KCTD15: variants seen among roughly 807,000 people sequenced by gnomAD.
KCTD15 encodes potassium channel tetramerization domain containing 15.
KCTD15 carries 11 observed loss-of-function variants against 27.2 expected under a neutral mutation model. That is an observed-to-expected ratio of 0.41 (90% CI 0.25 to 0.67). The LOEUF (loss-of-function observed/expected upper bound fraction) is 0.67, where lower values mean the gene tolerates loss of function less well. Ranked by LOEUF, KCTD15 falls within the 30% of genes least tolerant of loss-of-function variation. The probability of loss-of-function intolerance (pLI) is 0.35; values close to 1 mark genes in which losing one functional copy is unlikely to be tolerated. For synonymous variants in KCTD15, 163 were observed against 176.0 expected (o/e 0.93, Z 0.58); for missense variants, 350 against 409.3 (o/e 0.86, Z 1.25).
chr19:33,795,140 T>G (rs555418482), upstream of KCTD15, among the ~76,000 whole-genome samples: 3 of 152,332 alleles, frequency 2.0e-5, no homozygotes, highest in South Asian at 6.2e-4. Flanking sequence ...AATCTATAAA[T>G]TTACAACATC....
chr19:33,808,289 G>T (rs576937803), intron 5 of KCTD15, among the ~76,000 whole-genome samples: 1 of 152,312 alleles, frequency 6.6e-6, no homozygotes, highest in East Asian at 1.9e-4. Context: ...CTGAATTCAG[G>T]CTGAAAACAG....
intron 6 of KCTD15, chr19:33,812,316 T>C (rs1975950828): frequency 3.0e-6 from 3 of 1,016,556 alleles, no homozygotes; most frequent in Middle Eastern, 4.8e-4. Flanking sequence ...CACGAGCTGA[T>C]GCACCCCCAG....
At chr19:33,809,411 G>A (rs778761481) in intron 5 of KCTD15, among the ~76,000 whole-genome samples, 2 of 152,316 alleles carry the variant, frequency 1.3e-5, no homozygotes, top group South Asian at 2.1e-4. Flanking sequence ...CAGGTGCCCC[G>A]GGACTTGTGG....
chr19:33,798,055 C>T (rs1330661521), intron 1 of KCTD15, among the ~76,000 whole-genome samples: 2 of 152,058 alleles, frequency 1.3e-5, no homozygotes, highest in African/African-American at 4.8e-5. Flanking sequence ...CCCCTAAGTT[C>T]ACACCGGCCG....
intron 1 of KCTD15, among the ~76,000 whole-genome samples, chr19:33,797,658 A>G (rs1467645991): frequency 1.3e-5 from 2 of 151,754 alleles, no homozygotes; most frequent in African/African-American, 4.8e-5. Flanking sequence ...CACACTCGCA[A>G]ACACACCCGG....
rs528508262 is a variant in KCTD15, at chr19:33,804,586, G to A, written c.243-2277G>A. Among the ~76,000 whole-genome samples the A allele has an allele frequency of 1.1e-4, 16 of 152,324 alleles. 2 individuals are homozygous for A. Among genetic ancestry groups the A allele is most frequent in the African/African-American group, 3.8e-4 (16 of 41,576 alleles). ...CCACCGGTGCCACACATGGACCTCA[G>A]CCACCTGCCAACCACTGCCCATGGT... On this transcript the variant is annotated intron_variant, in intron 4 of 6. Coordinates refer to ENST00000683859, the MANE Select transcript of KCTD15 (RefSeq NM_001129994.2).
intron 1 of KCTD15, chr19:33,798,207 G>A (rs1407927931): frequency 2.0e-5 from 3 of 152,244 alleles, no homozygotes; most frequent in Non-Finnish European, 4.4e-5. Flanking sequence ...CCTGAGTGCG[G>A]AGCCGAGGGG....
rs1568376292 is a variant in KCTD15 at position 33,800,425 on chromosome 19, C to T, written c.-27-3C>T. On this transcript the variant is annotated splice_region_variant and splice_polypyrimidine_tract_variant and intron_variant, in intron 2 of 6. Transcript: ENST00000683859. ...TCTCTGGTTTTGTCGATGCCTCCCGCAGATACTCTGGGCAGGGATGGAAGC... is the reference window on the plus strand; with the variant it reads ...TCTCTGGTTTTGTCGATGCCTCCCGTAGATACTCTGGGCAGGGATGGAAGC... 5 of 1,590,790 alleles carry T rather than the reference C, an allele frequency of 3.1e-6. No individual in the cohort carries two copies. Among genetic ancestry groups the T allele is most frequent in the Non-Finnish European group, 3.4e-6 (4 of 1,169,316 alleles).
chr19:33,806,934 G>A lies in KCTD15; in HGVS notation c.314G>A (p.Arg105Gln), dbSNP rs1054184092. Residue 105 changes from arginine to glutamine, a missense_variant, in exon 5 of 7, where the codon CGG becomes CAG. Physicochemically the swap from Arg to Gln is conservative, Grantham distance 43 (BLOSUM62 1). This residue lies in a region of KCTD15 where 54 missense variants were observed against 101.8 expected (regional missense o/e 0.53). Coordinates refer to ENST00000683859, the MANE Select transcript of KCTD15 (RefSeq NM_001129994.2). Reference protein sequence around the residue: ...DSLKQHYFIDRDGEIFRYVLS... With the variant: ...DSLKQHYFIDQDGEIFRYVLS... Reference sequence around the variant, plus strand: ...TTGAAGCAACATTATTTCATTGACCGGGATGGGGAGATTTTCCGCTACGTC... The same window carrying A: ...TTGAAGCAACATTATTTCATTGACCAGGATGGGGAGATTTTCCGCTACGTC... 1.2e-6 allele frequency: 2 copies of A among 1,614,146 alleles called. No homozygotes were observed. The highest frequency in any genetic ancestry group is 1.7e-6 in the Non-Finnish European group (2 of 1,180,028).
intron 5 of KCTD15, among the ~76,000 whole-genome samples, chr19:33,807,921 G>A (rs1036489690): frequency 2.6e-5 from 4 of 151,258 alleles, no homozygotes; most frequent in African/African-American, 9.8e-5. Flanking sequence ...ACTCCAGCCT[G>A]GATGACGGAG....
chr19:33,797,277 TGTGTGTGCGCGCGC>T lies in KCTD15; in HGVS notation c.-127+292_-127+305del, dbSNP rs1396856797. 15 of 232,800 alleles carry T rather than the reference TGTGTGTGCGCGCGC, an allele frequency of 6.4e-5. 2 individuals are homozygous for T. The highest frequency in any genetic ancestry group is 9.7e-5 in the East Asian group (1 of 10,276). The allele number at this position is 232,800 out of a possible 1,614,324, so 14.4% of individuals were successfully genotyped here. A position where few individuals can be genotyped will look rare whatever the true frequency, so the allele number is the denominator to read the frequency against. ...GTGTGTGTGTGTGTGTGTGTGTGTGTGTGTGTGCGCGCGCGCGCGCGCGCGCTTGTGGAGGTCCC... is the reference window on the plus strand; with the variant it reads ...GTGTGTGTGTGTGTGTGTGTGTGTGTGCGCGCGCGCGCTTGTGGAGGTCCC... On this transcript the variant is annotated intron_variant, in intron 1 of 6. Coordinates refer to ENST00000683859, the MANE Select transcript of KCTD15 (RefSeq NM_001129994.2).
In KCTD15 at chr19:33,812,913, A is replaced by G; in HGVS notation, c.817A>G (p.Thr273Ala). Residue 273 changes from threonine to alanine, a missense_variant, in exon 7 of 7, where the codon ACT (threonine) becomes GCT (alanine). This residue lies in a region of KCTD15 where 219 missense variants were observed against 234.9 expected (regional missense o/e 0.93). Coordinates refer to ENST00000683859, the MANE Select transcript of KCTD15 (RefSeq NM_001129994.2). ...GGAGCGGCGGCCGCAGCCCACCCCC[A>G]CTGCTGTTCGAATCAAGCAGGAACC... ...REERRPQPTPTAVRIKQEPLD is the reference protein window; with the variant it reads ...REERRPQPTPAAVRIKQEPLD 1.9e-6 allele frequency: 3 copies of G among 1,549,424 alleles called. No individual in the cohort carries two copies. Among genetic ancestry groups the G allele is most frequent in the African/African-American group, 1.4e-5 (1 of 73,084 alleles).
chr19:33,799,155 A>G (rs1187405388), intron 2 of KCTD15, among the ~76,000 whole-genome samples: 1 of 152,042 alleles, frequency 6.6e-6, no homozygotes, highest in African/African-American at 2.4e-5. Context: ...GTATATATTA[A>G]ACATCACTGT....
intron 3 of KCTD15, 38 bp from the exon 4 acceptor site, chr19:33,801,129 T>C: frequency 6.5e-7 from 1 of 1,548,740 alleles, no homozygotes; most frequent in South Asian, 1.2e-5. Context: ...TGTGTTCCGC[T>C]TTGAAACTCT....
At chr19:33,802,287 T>C (rs993209176) in intron 4 of KCTD15, among the ~76,000 whole-genome samples, 2 of 152,202 alleles carry the variant, frequency 1.3e-5, no homozygotes, top group Non-Finnish European at 2.9e-5. Context: ...GCATCACCCC[T>C]GTGTTATGCA....
intron 6 of KCTD15, chr19:33,812,363 T>C (rs901004134): frequency 3.9e-5 from 40 of 1,023,478 alleles, no homozygotes; most frequent in Non-Finnish European, 4.3e-5. Context: ...TCAGGGAAGC[T>C]GGTGGATGCC....
chr19:33,800,911 AT>A lies in KCTD15; in HGVS notation c.67-248del, dbSNP rs1165032621. ...CCCCTGGAGGCTGACACCTTGAAAA[AT>A]TTTTTTTCTTGATTTCTTATTGCTA... On this transcript the variant is annotated intron_variant, in intron 3 of 6. Coordinates refer to ENST00000683859, the MANE Select transcript of KCTD15 (RefSeq NM_001129994.2). 3.3e-5 allele frequency among the ~76,000 whole-genome samples: 5 copies of A among 151,878 alleles called. No individual in the cohort carries two copies. The South Asian group carries it at 1.0e-3, about 32-fold the overall frequency.
chr19:33,799,262 G>C (rs736239), intron 2 of KCTD15, among the ~76,000 whole-genome samples: 60,940 of 152,010 alleles, frequency 0.4, 12,513 homozygotes, highest in Middle Eastern at 0.48. Context: ...ATTTGATTCT[G>C]GTTGGATTAA....
chr19:33,808,647 A>C (rs972411548), intron 5 of KCTD15, among the ~76,000 whole-genome samples: 1 of 135,078 alleles, frequency 7.4e-6, no homozygotes, highest in Non-Finnish European at 1.6e-5. Flanking sequence ...GGGTGTGTGC[A>C]GGGGAAGGGC....
Sources: gnomAD v4.1 joint callset for allele counts (sites outside exome capture counted in the v4.1 genomes callset) on GRCh38, gnomAD v4.1.1 for gene constraint, gnomAD v4.1.1 regional missense constraint, MANE v1.5 for transcripts, NCBI Gene and HGNC (gene_info 2026-07-23, HGNC 2026-07-21) for gene names.